SLC25A21: variants seen among roughly 807,000 people sequenced by gnomAD.
SLC25A21 encodes the protein solute carrier family 25 member 21, also known as mitochondrial 2-oxodicarboxylate carrier.
A neutral mutation model predicts 43.8 loss-of-function variants in SLC25A21; 47 were observed. That is an observed-to-expected ratio of 1.07 (90% CI 0.85 to 1.37). The LOEUF (loss-of-function observed/expected upper bound fraction) is 1.37, where lower values mean the gene tolerates loss of function less well. Among genes scored for constraint, SLC25A21 ranks in the 40% most tolerant of loss-of-function variants. The probability of loss-of-function intolerance (pLI) is 0.00; values close to 1 mark genes in which losing one functional copy is unlikely to be tolerated. For synonymous variants in SLC25A21, 131 were observed against 121.3 expected (o/e 1.08, Z -0.52); for missense variants, 352 against 350.2 (o/e 1.00, Z -0.04).
chr14:36,891,047 G>A (rs80152488), intron 1 of SLC25A21, among the ~76,000 whole-genome samples: 1,744 of 152,232 alleles, frequency 0.011, 8 homozygotes, highest in East Asian at 0.023. Flanking sequence ...AAAGTAAATG[G>A]ATACATTTCA....
chr14:37,127,378 T>C (rs964211329), intron 1 of SLC25A21, among the ~76,000 whole-genome samples: 2 of 152,218 alleles, frequency 1.3e-5, no homozygotes, highest in African/African-American at 2.4e-5. Context: ...TAGATACCTA[T>C]GCAGGTACCT....
chr14:36,888,213 G>C (rs1274717081), intron 1 of SLC25A21, among the ~76,000 whole-genome samples: 1 of 152,046 alleles, frequency 6.6e-6, no homozygotes, highest in Non-Finnish European at 1.5e-5. Flanking sequence ...TATATGGAGG[G>C]TCATTTTTAA....
chr14:36,746,325 TA>T (rs35925006), intron 3 of SLC25A21, among the ~76,000 whole-genome samples: 84,954 of 151,860 alleles, frequency 0.56, 25,178 homozygotes, highest in African/African-American at 0.77. Flanking sequence ...GCCACTATCC[TA>T]AAGTGGGATG....
chr14:37,052,669 T>C (rs113481358), intron 1 of SLC25A21, among the ~76,000 whole-genome samples: 7,510 of 151,898 alleles, frequency 0.049, 238 homozygotes, highest in African/African-American at 0.084. Flanking sequence ...GACAGAGTCT[T>C]ACTCTGTCTC....
Position 36,976,549 on chromosome 14 carries a change from A to T in SLC25A21, c.71-101545T>A, listed in dbSNP as rs145845758. Among the ~76,000 whole-genome samples the T allele has an allele frequency of 3.0e-3, 451 of 151,388 alleles. 4 individuals carry two copies. The highest frequency in any genetic ancestry group is 0.01 in the African/African-American group (424 of 40,758). On this transcript the variant is annotated intron_variant, in intron 1 of 9. Transcript: ENST00000331299. ...CCATGGCCTGTAGATAAAAAAAAAC[A>T]AAACAAAACAAATGCAAAGTGCCTG...
chr14:36,975,301 GGATC>G (rs1231302449), intron 1 of SLC25A21, among the ~76,000 whole-genome samples: 14 of 152,060 alleles, frequency 9.2e-5, no homozygotes, highest in Non-Finnish European at 2.1e-4. Context: ...GGTTTCACCA[GGATC>G]TCATAAATCA....
At chr14:36,691,761 AG>A (rs1322953293) in intron 7 of SLC25A21, among the ~76,000 whole-genome samples, 1 of 152,212 alleles carries the variant, frequency 6.6e-6, no homozygotes, top group Non-Finnish European at 1.5e-5. Flanking sequence ...ACTTAAAAAA[AG>A]TTCTTTTTAA....
At chr14:37,019,850 G>GT (rs539951993) in intron 1 of SLC25A21, among the ~76,000 whole-genome samples, 1 of 151,616 alleles carries the variant, frequency 6.6e-6, no homozygotes, top group East Asian at 2.0e-4. Context: ...GCCACAGCAA[G>GT]TTTTTTTAAA....
At chr14:36,835,744 C>G (rs749705247) in intron 2 of SLC25A21, among the ~76,000 whole-genome samples, 4 of 152,180 alleles carry the variant, frequency 2.6e-5, no homozygotes, top group Non-Finnish European at 5.9e-5. Flanking sequence ...ATATCCTGTC[C>G]TCAACAGATT....
At chr14:36,882,929 C>G (rs983700897) in intron 1 of SLC25A21, among the ~76,000 whole-genome samples, 2 of 152,028 alleles carry the variant, frequency 1.3e-5, no homozygotes, top group African/African-American at 2.4e-5. Flanking sequence ...ATCTCTTTGA[C>G]TCTACTTCAA....
At chr14:36,831,551 G>C (rs373404472) in intron 2 of SLC25A21, among the ~76,000 whole-genome samples, 1 of 152,152 alleles carries the variant, frequency 6.6e-6, no homozygotes. Context: ...CTAGTACATA[G>C]AGTAGGTATT....
chr14:37,083,112 T>C (rs757466830), intron 1 of SLC25A21, among the ~76,000 whole-genome samples: 12 of 152,226 alleles, frequency 7.9e-5, no homozygotes, highest in Non-Finnish European at 1.3e-4. Flanking sequence ...AGGAGTTTTG[T>C]GTGCTCTGGT....
At position 36,888,453 on chromosome 14, in the gene SLC25A21, T is replaced by A. The variant is rs538746205; in HGVS notation, c.71-13449A>T. Among the ~76,000 whole-genome samples, 3 of 152,238 alleles carry A rather than the reference T, an allele frequency of 2.0e-5. No individual in the cohort carries two copies. The South Asian group carries it at 6.2e-4, about 32-fold the overall frequency. Reference sequence around the variant, plus strand: ...CTCTACTGTGCAGAAGTTTCTATTATGTTGACCACATAGAAATTAAGCAAT... The same window carrying A: ...CTCTACTGTGCAGAAGTTTCTATTAAGTTGACCACATAGAAATTAAGCAAT... On this transcript the variant is annotated intron_variant, in intron 1 of 9. Transcript: ENST00000331299.
chr14:36,737,563 T>C (rs542665701), intron 3 of SLC25A21, among the ~76,000 whole-genome samples: 45 of 152,276 alleles, frequency 3.0e-4, no homozygotes, highest in African/African-American at 9.9e-4. Context: ...TAGGACTACC[T>C]ACCTCCTCGC....
At chr14:36,924,338 A>G (rs1440185406) in intron 1 of SLC25A21, among the ~76,000 whole-genome samples, 3 of 152,202 alleles carry the variant, frequency 2.0e-5, no homozygotes, top group African/African-American at 7.2e-5. Flanking sequence ...ATGGAATACT[A>G]TGCAGCCATA....
intron 1 of SLC25A21, among the ~76,000 whole-genome samples, chr14:37,122,910 A>C (rs1963234326): frequency 6.6e-6 from 1 of 152,242 alleles, no homozygotes. Context: ...GTATGTTTAT[A>C]AATATAGGTC....
intron 1 of SLC25A21, among the ~76,000 whole-genome samples, chr14:36,971,479 G>GA: frequency 6.6e-6 from 1 of 152,184 alleles, no homozygotes; most frequent in African/African-American, 2.4e-5. Flanking sequence ...AGGGTGGGGT[G>GA]ACCAGCCTTT....
intron 1 of SLC25A21, among the ~76,000 whole-genome samples, chr14:37,167,675 G>A (rs143521638): frequency 1.4e-3 from 207 of 152,058 alleles, no homozygotes; most frequent in African/African-American, 4.7e-3. Flanking sequence ...TTCCCAAGTC[G>A]CTCCTGGGGA....
chr14:36,678,646 A>AG lies in SLC25A21; in HGVS notation c.*2011dup. ...TATCAAATGTTTTTAGGTGGCTGTTAGGGGGCTTTAAAAAATATTACTTGC... is the reference window on the plus strand; with the variant it reads ...TATCAAATGTTTTTAGGTGGCTGTTAGGGGGGCTTTAAAAAATATTACTTGC... On this transcript the variant is annotated 3_prime_UTR_variant, in exon 10 of 10. Coordinates refer to ENST00000331299, the MANE Select transcript of SLC25A21 (RefSeq NM_030631.4). 1 of 1,266,938 alleles carries AG rather than the reference A, an allele frequency of 7.9e-7. No homozygotes were observed. Among genetic ancestry groups the AG allele is most frequent in the Non-Finnish European group, 9.9e-7 (1 of 1,006,306 alleles). 78.5% of individuals were successfully genotyped at this position (1,266,938 alleles called of 1,614,324 possible).
Sources: gnomAD v4.1 joint callset for allele counts (sites outside exome capture counted in the v4.1 genomes callset) on GRCh38, gnomAD v4.1.1 for gene constraint, MANE v1.5 for transcripts, NCBI Gene and HGNC (gene_info 2026-07-23, HGNC 2026-07-21) for gene names.